The following RNF144B variants were observed in gnomAD, a reference collection of about 807,000 sequenced individuals.
RNF144B encodes ring finger protein 144B.
RNF144B carries 25 observed loss-of-function variants against 40.2 expected under a neutral mutation model. The observed-to-expected ratio is 0.62, with a 90% CI of 0.45 to 0.87. The LOEUF is 0.87. Among genes scored for constraint, RNF144B ranks in the 40% least tolerant of loss-of-function variants. The probability of loss-of-function intolerance (pLI) is 0.00; values close to 1 mark genes in which losing one functional copy is unlikely to be tolerated. For synonymous variants in RNF144B, 145 were observed against 136.3 expected (o/e 1.06, Z -0.44); for missense variants, 365 against 373.7 (o/e 0.98, Z 0.19).
chr6:18,424,160 G>A (rs1490869352), intron 2 of RNF144B, among the ~76,000 whole-genome samples: 1 of 152,060 alleles, frequency 6.6e-6, no homozygotes, highest in African/African-American at 2.4e-5. Context: ...CATGCACATG[G>A]GATTCATGTG....
chr6:18,422,983 A>G lies in RNF144B; in HGVS notation c.166-4598A>G, dbSNP rs1388673640. 1.3e-5 allele frequency among the ~76,000 whole-genome samples: 2 copies of G among 151,414 alleles called. No homozygotes were observed. Among genetic ancestry groups the G allele is most frequent in the African/African-American group, 2.4e-5 (1 of 41,180 alleles). ...AAAAAAAAATCAACTAATGGCACTC[A>G]TTACCTCCTTCCTCTCAACAGTACC... is the stretch of plus-strand genomic sequence containing the variant. On this transcript the variant is annotated intron_variant, in intron 2 of 7. Transcript: ENST00000259939. The surrounding 1 kb of genome is among the most constrained non-coding windows in gnomAD (Gnocchi z 4.7).
At position 18,467,967 on chromosome 6, in the gene RNF144B, A is replaced by G. The variant is rs986284833; in HGVS notation, c.*2900A>G. The G allele has an allele frequency of 2.0e-5, 3 of 152,186 alleles. No individual in the cohort carries two copies. The highest frequency in any genetic ancestry group is 7.2e-5 in the African/African-American group (3 of 41,432). The allele number at this position is 152,186 out of a possible 1,614,324, so 9.4% of individuals were successfully genotyped here. On this transcript the variant is annotated 3_prime_UTR_variant, in exon 8 of 8. Coordinates refer to ENST00000259939, the MANE Select transcript of RNF144B (RefSeq NM_182757.4). ...CTGACAGTTTTAACTGACAACTTTG[A>G]TAACAGAGGCTGCTATTTTTGTTTT...
chr6:18,433,972 A>G (rs1758757667), intron 3 of RNF144B, among the ~76,000 whole-genome samples: 1 of 152,168 alleles, frequency 6.6e-6, no homozygotes, highest in Non-Finnish European at 1.5e-5. Context: ...AGCATCCCCC[A>G]AATTGCCCAA....
rs991614209 is a variant in RNF144B, at chr6:18,434,556, A to T, written c.271-5128A>T. 7.2e-5 allele frequency among the ~76,000 whole-genome samples: 11 copies of T among 152,264 alleles called. No homozygotes were observed. Among genetic ancestry groups the T allele is most frequent in the African/African-American group, 2.4e-4 (10 of 41,542 alleles). The stretch of plus-strand genomic sequence containing the variant: ...TAGGTGTGGTCTGGCTTCCCTGGAT[A>T]TGCTCTGCTAGGGATGAAATGGAAA... On this transcript the variant is annotated intron_variant, in intron 3 of 7. Transcript: ENST00000259939. The surrounding 1 kb of genome is among the most constrained non-coding windows in gnomAD (Gnocchi z 4.1).
At chr6:18,389,764 G>T (rs772000899) in intron 1 of RNF144B, among the ~76,000 whole-genome samples, 47 of 152,180 alleles carry the variant, frequency 3.1e-4, no homozygotes, top group Non-Finnish European at 6.3e-4. Flanking sequence ...GGGCCAAGCT[G>T]CCAGACAAGT....
intron 4 of RNF144B, among the ~76,000 whole-genome samples, chr6:18,455,637 C>T (rs900171825): frequency 5.9e-5 from 9 of 152,084 alleles, no homozygotes; most frequent in African/African-American, 2.2e-4. Context: ...AAGGGGTACT[C>T]TACCCCTCAA....
At position 18,414,231 on chromosome 6, in the gene RNF144B, C is replaced by T. The variant is rs1253143747; in HGVS notation, c.166-13350C>T. On this transcript the variant is annotated intron_variant, in intron 2 of 7. Transcript: ENST00000259939. The surrounding 1 kb of genome is among the most constrained non-coding windows in gnomAD (Gnocchi z 4.9). ...CCTAGTCATTGTCCAACCTTTTCTA[C>T]TTTTTCAGAGTTCAGTTCTCTTAAA... Among the ~76,000 whole-genome samples, 2 of 152,094 alleles carry T rather than the reference C, an allele frequency of 1.3e-5. No individual in the cohort carries two copies. The highest frequency in any genetic ancestry group is 2.9e-5 in the Non-Finnish European group (2 of 68,014).
Position 18,412,705 on chromosome 6 carries a change from A to T in RNF144B, c.165+13006A>T, listed in dbSNP as rs1795071803. On this transcript the variant is annotated intron_variant, in intron 2 of 7. Transcript: ENST00000259939. This position sits in a 1 kb window ranked among gnomAD's most constrained non-coding sequence, Gnocchi z 4.2. ...TTCTGTATATTTCAGTTCATTAAAG[A>T]TTGGTTATATAAGGCTTATCTATGT... is the stretch of plus-strand genomic sequence containing the variant. Among the ~76,000 whole-genome samples, 1 of 152,152 alleles carries T rather than the reference A, an allele frequency of 6.6e-6. No individual in the cohort carries two copies. Among genetic ancestry groups the T allele is most frequent in the South Asian group, 2.1e-4 (1 of 4,828 alleles).
chr6:18,424,465 G>A (rs1758503692), intron 2 of RNF144B, among the ~76,000 whole-genome samples: 1 of 152,176 alleles, frequency 6.6e-6, no homozygotes, highest in Non-Finnish European at 1.5e-5. Context: ...CAAAGGGTAT[G>A]TGTACTTAAA....
chr6:18,432,169 A>G (rs1379728183), intron 3 of RNF144B, among the ~76,000 whole-genome samples: 2 of 152,238 alleles, frequency 1.3e-5, no homozygotes, highest in African/African-American at 4.8e-5. Flanking sequence ...GAGGATGTGC[A>G]TAAGTTATAT....
intron 2 of RNF144B, among the ~76,000 whole-genome samples, chr6:18,417,310 C>G (rs1795162844): frequency 6.6e-6 from 1 of 152,082 alleles, no homozygotes; most frequent in African/African-American, 2.4e-5. Flanking sequence ...AGCTCTATTC[C>G]TCATTTCAAA....
intron 7 of RNF144B, among the ~76,000 whole-genome samples, 179 bp downstream of exon 7, chr6:18,463,559 A>G (rs1372181044): frequency 6.6e-6 from 1 of 152,194 alleles, no homozygotes; most frequent in African/African-American, 2.4e-5. Context: ...AAGTTAATTC[A>G]TGAGCACAGT....
At position 18,458,007 on chromosome 6, in the gene RNF144B, G is replaced by A. The variant is rs1363853880; in HGVS notation, c.536+648G>A. Among the ~76,000 whole-genome samples, 1 of 151,790 alleles carries A rather than the reference G, an allele frequency of 6.6e-6. No homozygotes were observed. Among genetic ancestry groups the A allele is most frequent in the Non-Finnish European group, 1.5e-5 (1 of 67,964 alleles). On this transcript the variant is annotated intron_variant, in intron 5 of 7. Transcript: ENST00000259939. This position sits in a 1 kb window ranked among gnomAD's most constrained non-coding sequence, Gnocchi z 4.8. ...GACTGGAGTTCAGTGGCACGATCTC[G>A]GCTCACTGCAACCACTGCCTCCTGG...
intron 1 of RNF144B, among the ~76,000 whole-genome samples, chr6:18,397,063 C>G (rs1164154723): frequency 6.6e-6 from 1 of 152,154 alleles, no homozygotes; most frequent in African/African-American, 2.4e-5. Flanking sequence ...TATTTTGAAT[C>G]AGGTTTTCTG....
At chr6:18,433,922 A>ATG (rs1758755569) in intron 3 of RNF144B, among the ~76,000 whole-genome samples, 1 of 152,132 alleles carries the variant, frequency 6.6e-6, no homozygotes, top group Non-Finnish European at 1.5e-5. Context: ...TGATCCGCAC[A>ATG]GTGAGTGTTA....
At chr6:18,401,241 T>G (rs1039925133) in intron 2 of RNF144B, among the ~76,000 whole-genome samples, 1 of 152,230 alleles carries the variant, frequency 6.6e-6, no homozygotes, top group Non-Finnish European at 1.5e-5. Context: ...TTTCATCTTC[T>G]CAGGGAGCTA....
At position 18,399,707 on chromosome 6, in the gene RNF144B, T is replaced by G. The variant is rs1323682501; in HGVS notation, c.165+8T>G. On this transcript the variant is annotated splice_region_variant and intron_variant, in intron 2 of 7. Coordinates refer to ENST00000259939, the MANE Select transcript of RNF144B (RefSeq NM_182757.4). ...TGCATCTTTTGCACAGCTGTGAGTT[T>G]TCCTTGATGCTTTCACTATGAGAAA... 1 of 1,604,112 alleles carries G rather than the reference T, an allele frequency of 6.2e-7. No homozygotes were observed. Among genetic ancestry groups the G allele is most frequent in the South Asian group, 1.1e-5 (1 of 90,640 alleles).
chr6:18,461,839 T>C (rs1238643949), intron 6 of RNF144B, among the ~76,000 whole-genome samples: 1 of 152,002 alleles, frequency 6.6e-6, no homozygotes, highest in East Asian at 1.9e-4. Flanking sequence ...AGAGGGGTGA[T>C]TGTCTAAAAT....
chr6:18,465,160 C>T lies in RNF144B; in HGVS notation c.*93C>T, dbSNP rs1380930641. The stretch of plus-strand genomic sequence containing the variant: ...TAGTGACCTTGCCTCCTTCTCCTTG[C>T]CAACTTTGAAAGTGCCTCCGTGTCC... On this transcript the variant is annotated 3_prime_UTR_variant, in exon 8 of 8. Transcript: ENST00000259939. 7.3e-7 allele frequency: 1 copy of T among 1,365,786 alleles called. No homozygotes were observed. Among genetic ancestry groups the T allele is most frequent in the South Asian group, 1.4e-5 (1 of 73,922 alleles). 84.6% of individuals were successfully genotyped at this position (1,365,786 alleles called of 1,614,324 possible).
Sources: gnomAD v4.1 joint callset for allele counts (sites outside exome capture counted in the v4.1 genomes callset) on GRCh38, gnomAD v4.1.1 for gene constraint, Gnocchi (gnomAD v3.1) non-coding constraint, MANE v1.5 for transcripts, NCBI Gene and HGNC (gene_info 2026-07-23, HGNC 2026-07-21) for gene names.